Variants in UNC13A observed in about 807,000 individuals in gnomAD.
The protein encoded by UNC13A is protein unc-13 homolog A.
A neutral mutation model predicts 219.7 loss-of-function variants in UNC13A; 61 were observed. The observed-to-expected ratio is 0.28, with a 90% confidence interval of 0.23 to 0.34. The LOEUF is 0.34. UNC13A is among the 10% of genes least tolerant of loss of function. The pLI, the probability that UNC13A is intolerant of heterozygous loss-of-function variation, is 1.00. For synonymous variants in UNC13A, 920 were observed against 884.6 expected (o/e 1.04, Z -0.71); for missense variants, 1,476 against 2,270.3 (o/e 0.65, Z 7.11).
chr19:17,688,100 CT>C (rs1568279807), intron 1 of UNC13A, 77 bp downstream of exon 1: 5 of 1,495,894 alleles, frequency 3.3e-6, no homozygotes, highest in African/African-American at 1.5e-5. Context: ...CAGGAACCCC[CT>C]GGGAGCCGCA....
chr19:17,654,526 G>C (rs1221535337), intron 11 of UNC13A, among the ~76,000 whole-genome samples: 3 of 152,186 alleles, frequency 2.0e-5, no homozygotes, highest in Non-Finnish European at 4.4e-5. Context: ...CAATCCCACT[G>C]CAGTTTGGAG....
intron 5 of UNC13A, among the ~76,000 whole-genome samples, chr19:17,669,142 C>T (rs1218643020): frequency 6.6e-6 from 1 of 152,098 alleles, no homozygotes; most frequent in East Asian, 1.9e-4. Context: ...CAAGGTGCTT[C>T]CAGGAAAGGA....
rs1399008332 is a variant in UNC13A at position 17,606,038 on chromosome 19, C to T, written c.*16G>A. ...CCCTCCGCGCAGGCGCAGTGCCGCT[C>T]GGCCGACCGCCCGCGCTAAGGCGCA... On this transcript the variant is annotated 3_prime_UTR_variant, in exon 44 of 44. Coordinates refer to ENST00000519716, the MANE Select transcript of UNC13A (RefSeq NM_001080421.3). 1.3e-6 allele frequency: 2 copies of T among 1,483,490 alleles called. No individual in the cohort carries two copies. The highest frequency in any genetic ancestry group is 1.5e-5 in the African/African-American group (1 of 67,960). The allele number at this position is 1,483,490 out of a possible 1,614,324, so 91.9% of individuals were successfully genotyped here.
intron 41 of UNC13A, chr19:17,616,498 G>T (rs750998489): frequency 1.5e-6 from 1 of 664,598 alleles, no homozygotes; most frequent in Middle Eastern, 2.4e-4. Context: ...GGGGAGAGAG[G>T]TGGGAAGCAT....
Position 17,686,298 on chromosome 19 carries a change from GCCCCCCCC to G in UNC13A, c.22+1872_22+1879del, listed in dbSNP as rs533722538. 7.9e-4 allele frequency among the ~76,000 whole-genome samples: 65 copies of G among 81,894 alleles called. 1 individual carries two copies. Among genetic ancestry groups the G allele is most frequent in the South Asian group, 3.6e-3 (7 of 1,950 alleles). 53.7% of individuals were successfully genotyped at this position (81,894 alleles called of 152,430 possible). On this transcript the variant is annotated intron_variant, in intron 1 of 43. Transcript: ENST00000519716. ...CGTCAGAGTTAAGGGTGAGATCCCC[GCCCCCCCC>G]CCCCCCCCCCCACTCCACTAGGCAA...
chr19:17,627,434 C>T lies in UNC13A; in HGVS notation c.3920+75G>A. On this transcript the variant is annotated intron_variant, in intron 33 of 43. Transcript: ENST00000519716. This position sits in a 1 kb window ranked among gnomAD's most constrained non-coding sequence, Gnocchi z 4.7. The stretch of plus-strand genomic sequence containing the variant: ...AATCTTCACCTCTACATCTGCTGAG[C>T]CTCCAGATGCCCCAGGCTTAGAGGG... 1 of 1,164,054 alleles carries T rather than the reference C, an allele frequency of 8.6e-7. No homozygotes were observed. Among genetic ancestry groups the T allele is most frequent in the Admixed American group, 2.1e-5 (1 of 47,754 alleles). The allele number at this position is 1,164,054 out of a possible 1,614,324, so 72.1% of individuals were successfully genotyped here. A position where few individuals can be genotyped will look rare whatever the true frequency, so the allele number is the denominator to read the frequency against.
chr19:17,623,624 G>C (rs1225075616), intron 35 of UNC13A, 77 bp from the exon 36 acceptor site: 3 of 784,088 alleles, frequency 3.8e-6, no homozygotes, highest in African/African-American at 3.6e-5. Context: ...AGGCCAGGGA[G>C]GGGGCAGAGA....
chr19:17,656,496 T>C, intron 9 of UNC13A, 98 bp from the exon 10 acceptor site: 1 of 1,230,878 alleles, frequency 8.1e-7, no homozygotes, highest in Non-Finnish European at 1.1e-6. Flanking sequence ...ACTGAGCACC[T>C]ACGATGTGCC....
chr19:17,649,246 C>A lies in UNC13A; in HGVS notation c.1524+93G>T. 6.6e-7 allele frequency: 1 copy of A among 1,526,310 alleles called. No individual in the cohort carries two copies. Among genetic ancestry groups the A allele is most frequent in the South Asian group, 1.2e-5 (1 of 83,862 alleles). 94.5% of individuals were successfully genotyped at this position (1,526,310 alleles called of 1,614,324 possible). A position where few individuals can be genotyped will look rare whatever the true frequency, so the allele number is the denominator to read the frequency against. ...CAACACAGTGGGACATGGCAAGGTT[C>A]CCCCATAATCCATGAATTGGGGGCC... is the stretch of plus-strand genomic sequence containing the variant. On this transcript the variant is annotated intron_variant, in intron 14 of 43. Coordinates refer to ENST00000519716, the MANE Select transcript of UNC13A (RefSeq NM_001080421.3). This position sits in a 1 kb window ranked among gnomAD's most constrained non-coding sequence, Gnocchi z 4.4.
chr19:17,604,893 C>T lies in UNC13A; in HGVS notation c.*1161G>A, dbSNP rs1453957009. Reference sequence around the variant, plus strand: ...TCTCTCATTCTCTTTCTCTCATTCTCTTTCTCCCCCCTAGAGTTTCTGGTC... The same window carrying T: ...TCTCTCATTCTCTTTCTCTCATTCTTTTTCTCCCCCCTAGAGTTTCTGGTC... On this transcript the variant is annotated 3_prime_UTR_variant, in exon 44 of 44. Transcript: ENST00000519716. 1.3e-5 allele frequency: 2 copies of T among 152,502 alleles called. No homozygotes were observed. Among genetic ancestry groups the T allele is most frequent in the African/African-American group, 4.8e-5 (2 of 41,458 alleles). The allele number at this position is 152,502 out of a possible 1,614,324, so 9.4% of individuals were successfully genotyped here.
rs1239673926 is a variant in UNC13A at position 17,668,248 on chromosome 19, T to A, written c.395-58A>T. ...GACCCTCCCTGCCGCTCAGCCTCCA[T>A]CCTCCAGGCCTACTGAGCTCCACCC... On this transcript the variant is annotated intron_variant, in intron 5 of 43. Coordinates refer to ENST00000519716, the MANE Select transcript of UNC13A (RefSeq NM_001080421.3). 7.1e-6 allele frequency: 11 copies of A among 1,549,308 alleles called. No homozygotes were observed. In the East Asian group the frequency reaches 2.5e-4, roughly 35 times the overall value.
At chr19:17,622,005 T>C in intron 36 of UNC13A, 135 bp from the exon 37 acceptor site, 1 of 877,112 alleles carries the variant, frequency 1.1e-6, no homozygotes, top group Non-Finnish European at 1.9e-6. Context: ...TGCATGGGGA[T>C]AGTGTGTTTG....
chr19:17,617,689 T>C lies in UNC13A; in HGVS notation c.4558+13A>G. 6.2e-7 allele frequency: 1 copy of C among 1,611,280 alleles called. No individual in the cohort carries two copies. Among genetic ancestry groups the C allele is most frequent in the South Asian group, 1.1e-5 (1 of 91,054 alleles). On this transcript the variant is annotated intron_variant, in intron 41 of 43. Transcript: ENST00000519716. The stretch of plus-strand genomic sequence containing the variant: ...CGGAGCGGGAAAGGGTGATGCGGTC[T>C]GGGTACCCTTACCCTGGGCCGATTG...
intron 28 of UNC13A, among the ~76,000 whole-genome samples, chr19:17,631,334 C>T (rs2076852530): frequency 6.6e-6 from 1 of 150,598 alleles, no homozygotes; most frequent in Non-Finnish European, 1.5e-5. Flanking sequence ...AATCCTCCCA[C>T]CTCAGCTTCC....
At chr19:17,612,081 C>T (rs911509579) in intron 41 of UNC13A, 1 of 433,714 alleles carries the variant, frequency 2.3e-6, no homozygotes, top group East Asian at 3.3e-5. Flanking sequence ...ATTGCTTAAC[C>T]TCTCTGAGCC....
chr19:17,608,385 T>TATATATATTTATATATAATATATAA (rs1555775549), intron 43 of UNC13A, among the ~76,000 whole-genome samples: 131 of 42,390 alleles, frequency 3.1e-3, no homozygotes, highest in African/African-American at 0.012. Flanking sequence ...TGTATATAAA[T>TATATATATTTATATATAATATATAA]ATATATATAT....
intron 1 of UNC13A, among the ~76,000 whole-genome samples, chr19:17,682,140 G>T (rs1244803211): frequency 9.2e-5 from 14 of 152,040 alleles, no homozygotes; most frequent in Non-Finnish European, 1.6e-4. Context: ...TTTTAGTAAA[G>T]ACAGGGTTTC....
chr19:17,639,745 A>T, intron 23 of UNC13A, 95 bp downstream of exon 23: 1 of 1,416,158 alleles, frequency 7.1e-7, no homozygotes, highest in Non-Finnish European at 9.9e-7. Context: ...ACATGCGAAG[A>T]TGGGTCCTCC....
At chr19:17,622,042 C>A (rs74482579) in intron 36 of UNC13A, among the ~76,000 whole-genome samples, 172 bp from the exon 37 acceptor site, 2 of 152,024 alleles carry the variant, frequency 1.3e-5, no homozygotes, top group Non-Finnish European at 2.9e-5. Flanking sequence ...TGTGCACACA[C>A]GTGCATGCGC....
Sources: gnomAD v4.1 joint callset for allele counts (sites outside exome capture counted in the v4.1 genomes callset) on GRCh38, gnomAD v4.1.1 for gene constraint, Gnocchi (gnomAD v3.1) non-coding constraint, MANE v1.5 for transcripts, NCBI Gene and HGNC (gene_info 2026-07-23, HGNC 2026-07-21) for gene names.